Variants in NBPF19 observed in about 807,000 individuals in gnomAD.
NBPF19 encodes NBPF family member NBPF19.
NBPF19 carries 30 observed loss-of-function variants against 45.9 expected under a neutral mutation model. The ratio of observed to expected loss-of-function variants is 0.65; its 90% confidence interval spans 0.49 to 0.89. The LOEUF is 0.89. Ranked by LOEUF, NBPF19 falls within the 40% of genes least tolerant of loss-of-function variation. The probability of loss-of-function intolerance (pLI) is 0.00; values close to 1 mark genes in which losing one functional copy is unlikely to be tolerated. For missense variants in NBPF19, 495 were observed against 471.8 expected, an observed-to-expected ratio of 1.05 and a Z score of -0.46; for synonymous variants, 183 against 181.2, an observed-to-expected ratio of 1.01 and a Z score of -0.08.
In NBPF19 at chr1:149,486,793, G is replaced by A. The variant is rs1436143991; in HGVS notation, c.988+500G>A. Among the ~76,000 whole-genome samples, 10 of 150,674 alleles carry A rather than the reference G, an allele frequency of 6.6e-5. 1 individual carries two copies. Among genetic ancestry groups the A allele is most frequent in the Non-Finnish European group, 1.0e-4 (7 of 67,490 alleles). ...CCCATTTTCTGTGTCTTCTAAGTTC[G>A]CTTGTTTTAGCTCATCTGTCCGTCA... On this transcript the variant is annotated intron_variant, in intron 8 of 93. Transcript: ENST00000651566.
chr1:149,494,147 C>A (rs1183033782), intron 17 of NBPF19, among the ~76,000 whole-genome samples, 171 bp from the exon 18 acceptor site: 2 of 124,366 alleles, frequency 1.6e-5, no homozygotes, highest in East Asian at 2.9e-4. Flanking sequence ...TTTCATTCTT[C>A]TCTACCTGGC....
chr1:149,554,769 C>A lies in NBPF19; in HGVS notation c.*31C>A. On this transcript the variant is annotated 3_prime_UTR_variant, in exon 94 of 94. Transcript: ENST00000651566. ...CCTTACTAAGCCGAGAGATGTCATTCCTGCAGGCAGGACCTATAGGCACGT... is the reference window on the plus strand; with the variant it reads ...CCTTACTAAGCCGAGAGATGTCATTACTGCAGGCAGGACCTATAGGCACGT... The A allele has an allele frequency of 6.2e-7, 1 of 1,607,620 alleles. No individual in the cohort carries two copies.
intron 8 of NBPF19, among the ~76,000 whole-genome samples, 170 bp downstream of exon 8, chr1:149,486,463 A>C (rs2085504916): frequency 1.3e-5 from 2 of 149,856 alleles, no homozygotes; most frequent in African/African-American, 4.9e-5. Flanking sequence ...AAGCACAGGC[A>C]TGGGGTGGGT....
Position 149,554,705 on chromosome 1 carries a change from G to A in NBPF19, c.11499G>A (p.Leu3833=), listed in dbSNP as rs1483722415. The part of the protein sequence containing the change: ...FFTLTVTSLH[L]VFQMLVIFPQ ...CTTTGACGGTGACAAGTCTCCATCT[G>A]GTGTTCCAGATGTTAGTCATATTCC... is the stretch of plus-strand genomic sequence containing the variant. The change falls in exon 94 of 94, where the codon CTG becomes CTA. Residue 3833 remains leucine (L), a synonymous_variant. Coordinates refer to ENST00000651566, the MANE Select transcript of NBPF19 (RefSeq NM_001351365.2). The A allele has an allele frequency of 4.6e-5, 74 of 1,608,246 alleles. 3 individuals are homozygous for A. In the South Asian group the frequency reaches 7.5e-4, roughly 16 times the overall value.
rs1165062342 is a variant in NBPF19 at position 149,554,952 on chromosome 1, T to G, written c.*214T>G. 1.2e-5 allele frequency: 10 copies of G among 808,350 alleles called. No homozygotes were observed. Among genetic ancestry groups the G allele is most frequent in the African/African-American group, 1.0e-4 (6 of 58,116 alleles). The allele number at this position is 808,350 out of a possible 1,614,324, so 50.1% of individuals were successfully genotyped here. ...TAGGTGTGACACGTTCACATAACTG[T>G]GCAGCACATGCCGGGAGTGATCAGT... On this transcript the variant is annotated 3_prime_UTR_variant, in exon 94 of 94. Coordinates refer to ENST00000651566, the MANE Select transcript of NBPF19 (RefSeq NM_001351365.2).
intron 4 of NBPF19, 130 bp from the exon 5 acceptor site, chr1:149,480,012 T>TAAAACATGAG: frequency 1.6e-6 from 1 of 626,728 alleles, no homozygotes. Flanking sequence ...CTGTTAAAGA[T>TAAAACATGAG]AAAACATGAG....
At chr1:149,479,461 CAGTG>C (rs2085039673) in intron 4 of NBPF19, among the ~76,000 whole-genome samples, 1 of 150,730 alleles carries the variant, frequency 6.6e-6, no homozygotes, top group African/African-American at 2.4e-5. Flanking sequence ...TAGTAAGTGT[CAGTG>C]AGTGATTTAT....
At chr1:149,479,491 C>A (rs1431161367) in intron 4 of NBPF19, among the ~76,000 whole-genome samples, 1 of 150,362 alleles carries the variant, frequency 6.7e-6, no homozygotes, top group East Asian at 2.0e-4. Flanking sequence ...CAGAGTTTCT[C>A]TCTCTCCATC....
At chr1:149,484,505 T>A (rs1247254908) in intron 7 of NBPF19, among the ~76,000 whole-genome samples, 60 of 145,590 alleles carry the variant, frequency 4.1e-4, no homozygotes, top group African/African-American at 1.5e-3. Context: ...AAAAAAAATA[T>A]ATATATATAT....
rs1447542388 is a variant in NBPF19, at chr1:149,475,475, G to C, written c.-356G>C. ...CATGGGTCTGTGGCATTGTCACAAG[G>C]GTACACGAATACTGAGAGTGAATGC... On this transcript the variant is annotated 5_prime_UTR_variant, in exon 1 of 94. Transcript: ENST00000651566. Among the ~76,000 whole-genome samples the C allele has an allele frequency of 6.6e-6, 1 of 151,054 alleles. No homozygotes were observed. The highest frequency in any genetic ancestry group is 1.5e-5 in the Non-Finnish European group (1 of 67,670).
chr1:149,554,451 C>G, intron 93 of NBPF19, 44 bp from the exon 94 acceptor site: 3 of 1,607,882 alleles, frequency 1.9e-6, no homozygotes, highest in Admixed American at 1.7e-5. Flanking sequence ...TCTGTGGTGT[C>G]TGATTTTCCC....
At chr1:149,554,434 G>A in intron 93 of NBPF19, 61 bp from the exon 94 acceptor site, 4 of 1,607,554 alleles carry the variant, frequency 2.5e-6, no homozygotes, top group East Asian at 2.2e-5. Flanking sequence ...CTGAAATCTA[G>A]TGGGGCTCTG....
In NBPF19 at chr1:149,494,069, G is replaced by A. The variant is rs2085979155; in HGVS notation, c.1998-249G>A. ...GACCCCTTCATCAGTGTGTCACCCG[G>A]CCAACTCGCTGAGCTCACTTTCTCC... is the stretch of plus-strand genomic sequence containing the variant. On this transcript the variant is annotated intron_variant, in intron 17 of 93. Transcript: ENST00000651566. Among the ~76,000 whole-genome samples, 7 of 124,180 alleles carry A rather than the reference G, an allele frequency of 5.6e-5. 1 individual carries two copies. Among genetic ancestry groups the A allele is most frequent in the Admixed American group, 5.6e-4 (7 of 12,474 alleles). The allele number at this position is 124,180 out of a possible 152,430, so 81.5% of individuals were successfully genotyped here.
rs1371256444 is a variant in NBPF19, at chr1:149,554,694, A to G, written c.11488A>G (p.Ser3830Gly). 6.2e-6 allele frequency: 10 copies of G among 1,608,142 alleles called. 1 individual carries two copies. In the African/African-American group the frequency reaches 8.0e-5, roughly 13 times the overall value. The change falls in exon 94 of 94, where the codon AGT becomes GGT. Residue 3830 changes from serine to glycine, a missense_variant. Physicochemically the swap from Ser to Gly is moderately conservative, Grantham distance 56. Around this residue, in one of 8 missense-constraint regions of NBPF19, gnomAD observed 248 missense variants for 95.4 expected, o/e 2.60. Coordinates refer to ENST00000651566, the MANE Select transcript of NBPF19 (RefSeq NM_001351365.2). ...TAGGTTTTTTACTTTGACGGTGACA[A>G]GTCTCCATCTGGTGTTCCAGATGTT... ...DNRFFTLTVT[S>G]LHLVFQMLVI...
intron 9 of NBPF19, among the ~76,000 whole-genome samples, chr1:149,487,803 G>GTGTGTT (rs1553710666): frequency 1.7e-4 from 26 of 149,016 alleles, no homozygotes; most frequent in African/African-American, 6.2e-4. Context: ...GTGTGTGTGT[G>GTGTGTT]TGTGTGTGTG....
At chr1:149,479,684 C>T (rs1216796128) in intron 4 of NBPF19, among the ~76,000 whole-genome samples, 5 of 149,420 alleles carry the variant, frequency 3.3e-5, no homozygotes, top group African/African-American at 1.2e-4. Flanking sequence ...GATAGAATGT[C>T]CCTGAATAAC....
chr1:149,477,853 C>A lies in NBPF19; in HGVS notation c.176-92C>A, dbSNP rs1168727087. ...ACCCTGGTACTGGGGAGAGTTTTGT[C>A]CTTGGGATGGACCTGGCTCCTGCCC... On this transcript the variant is annotated intron_variant, in intron 2 of 93. Transcript: ENST00000651566. The A allele has an allele frequency of 4.6e-5, 37 of 798,156 alleles. 2 individuals are homozygous for A. Among genetic ancestry groups the A allele is most frequent in the Non-Finnish European group, 7.7e-5 (36 of 467,874 alleles). The allele number at this position is 798,156 out of a possible 1,614,324, so 49.4% of individuals were successfully genotyped here.
chr1:149,494,469 G>C lies in NBPF19; in HGVS notation c.2149G>C (p.Gly717Arg). The change falls in exon 18 of 94, where the codon GGC becomes CGC. Residue 717 changes from glycine (G) to arginine (R), a missense_variant. By Grantham distance (125) the Gly-to-Arg change is moderately radical. Transcript: ENST00000651566. ...TTACTCATTGGAGGAACAGTACCTT[G>C]GCTTGGCTCTTGACGTGGACAGTGA... is the stretch of plus-strand genomic sequence containing the variant. ...AVYSLEEQYL[G>R]LALDVDRIKK... 1.3e-5 allele frequency: 3 copies of C among 231,926 alleles called. No individual in the cohort carries two copies. The highest frequency in any genetic ancestry group is 1.5e-5 in the Non-Finnish European group (2 of 133,836). 14.4% of individuals were successfully genotyped at this position (231,926 alleles called of 1,614,324 possible).
intron 6 of NBPF19, among the ~76,000 whole-genome samples, chr1:149,481,377 T>G (rs12062648): frequency 8.3e-6 from 1 of 120,146 alleles, no homozygotes; most frequent in East Asian, 2.5e-4. Context: ...TTTTCTTCTT[T>G]ACTTTGCTGA....
Sources: allele counts gnomAD v4.1 joint callset (sites outside exome capture counted in the v4.1 genomes callset), GRCh38; gene constraint gnomAD v4.1.1; regional missense constraint gnomAD v4.1.1; transcripts MANE v1.5; gene names NCBI Gene and HGNC (gene_info 2026-07-23, HGNC 2026-07-21).